Variants in ARFGEF3 observed in about 807,000 individuals in gnomAD.
ARFGEF3 encodes the protein ARFGEF family member 3.
In ARFGEF3, 96 loss-of-function variants were observed where a neutral mutation model predicts 221.7. That is an observed-to-expected ratio of 0.43 (90% CI 0.37 to 0.51). ARFGEF3 has a LOEUF of 0.51. Among genes scored for constraint, ARFGEF3 ranks in the 20% least tolerant of loss-of-function variants. The probability of loss-of-function intolerance (pLI) is 0.00; values close to 1 mark genes in which losing one functional copy is unlikely to be tolerated. For synonymous variants in ARFGEF3, 1,145 were observed against 1,126.8 expected (o/e 1.02, Z -0.32); for missense variants, 2,410 against 2,789.9 (o/e 0.86, Z 3.07).
At chr6:138,207,390 G>T (rs1247058348) in intron 3 of ARFGEF3, among the ~76,000 whole-genome samples, 4 of 151,992 alleles carry the variant, frequency 2.6e-5, no homozygotes, top group African/African-American at 7.2e-5. Context: ...GATTTTTTTT[G>T]TGTGTGACAT....
At chr6:138,279,673 G>A (rs1004621247) in intron 13 of ARFGEF3, among the ~76,000 whole-genome samples, 2 of 152,178 alleles carry the variant, frequency 1.3e-5, no homozygotes, top group African/African-American at 2.4e-5. Context: ...TGCTTCTGTT[G>A]GGGCTCCTAG....
At chr6:138,336,094 C>A (rs2114702791) in intron 33 of ARFGEF3, among the ~76,000 whole-genome samples, 1 of 152,234 alleles carries the variant, frequency 6.6e-6, no homozygotes, top group East Asian at 1.9e-4. Flanking sequence ...CTCTGCCCAT[C>A]TTTATGTATG....
Position 138,255,702 on chromosome 6 carries a change from T to A in ARFGEF3, c.1037T>A (p.Leu346His). The part of the protein sequence containing the change: ...VDSMKPVLQS[L>H]YHRVLLYPPP... ...TCCATGAAGCCCGTGCTCCAGTCCC[T>A]CTACCACCGAGTGCTGCTCTACCCC... Residue 346 changes from leucine (L) to histidine (H), a missense_variant, in exon 10 of 34, where the codon CTC (leucine) becomes CAC (histidine). Physicochemically the swap from Leu to His is moderately conservative, Grantham distance 99. Around this residue, in one of 5 missense-constraint regions of ARFGEF3, gnomAD observed 570 missense variants for 586.9 expected, o/e 0.97. Coordinates refer to ENST00000251691, the MANE Select transcript of ARFGEF3 (RefSeq NM_020340.5). 6.2e-7 allele frequency: 1 copy of A among 1,611,902 alleles called. No homozygotes were observed. The highest frequency in any genetic ancestry group is 8.5e-7 in the Non-Finnish European group (1 of 1,178,806).
At chr6:138,295,465 C>CAA (rs541897649) in intron 20 of ARFGEF3, among the ~76,000 whole-genome samples, 43 of 125,938 alleles carry the variant, frequency 3.4e-4, no homozygotes, top group African/African-American at 9.5e-4. Context: ...ACTAAAAATG[C>CAA]AAAAAAAAAA....
At chr6:138,297,188 C>T (rs138703170) in intron 21 of ARFGEF3, among the ~76,000 whole-genome samples, 45 of 152,306 alleles carry the variant, frequency 3.0e-4, no homozygotes, top group African/African-American at 9.9e-4. Context: ...TCTTTCTTTG[C>T]AATTGTACAG....
intron 24 of ARFGEF3, among the ~76,000 whole-genome samples, chr6:138,309,750 T>C (rs1779792336): frequency 1.3e-5 from 2 of 152,202 alleles, no homozygotes; most frequent in South Asian, 4.1e-4. Flanking sequence ...AGCCAGAGGC[T>C]CGAGAACCTG....
chr6:138,311,333 G>A, intron 24 of ARFGEF3, 74 bp from the exon 25 acceptor site: 1 of 869,200 alleles, frequency 1.2e-6, no homozygotes, highest in South Asian at 1.5e-5. Context: ...TGCTATGTGA[G>A]TAAACAGGTC....
At chr6:138,164,228 C>CT (rs59010098) in intron 1 of ARFGEF3, among the ~76,000 whole-genome samples, 41,257 of 151,982 alleles carry the variant, frequency 0.27, 7,527 homozygotes, top group African/African-American at 0.5. Flanking sequence ...TTCAACCCCC[C>CT]AATTTATTTC....
At chr6:138,243,572 T>C (rs1778430729) in intron 7 of ARFGEF3, among the ~76,000 whole-genome samples, 1 of 152,216 alleles carries the variant, frequency 6.6e-6, no homozygotes, top group South Asian at 2.1e-4. Flanking sequence ...TTTGATAATA[T>C]TGTTTTCTGA....
intron 28 of ARFGEF3, among the ~76,000 whole-genome samples, chr6:138,320,207 A>C (rs145117997): frequency 0.014 from 2,113 of 152,194 alleles, 34 homozygotes; most frequent in Non-Finnish European, 0.012. Context: ...AAAAAAGAAG[A>C]AGCAGCAATA....
In ARFGEF3 at chr6:138,340,678, A is replaced by G. The variant is rs537272800; in HGVS notation, c.*4192A>G. ...GTGTTCCTCATTTTTTCAGAGGGGA[A>G]CACAGACCCAGAGAGGTTAAGAAAT... is the stretch of plus-strand genomic sequence containing the variant. On this transcript the variant is annotated 3_prime_UTR_variant, in exon 34 of 34. Coordinates refer to ENST00000251691, the MANE Select transcript of ARFGEF3 (RefSeq NM_020340.5). 1 of 152,188 alleles carries G rather than the reference A, an allele frequency of 6.6e-6. No homozygotes were observed. The highest frequency in any genetic ancestry group is 1.9e-4 in the East Asian group (1 of 5,198). 9.4% of individuals were successfully genotyped at this position (152,188 alleles called of 1,614,324 possible).
At chr6:138,325,793 A>G (rs1780116520) in intron 31 of ARFGEF3, among the ~76,000 whole-genome samples, 1 of 152,204 alleles carries the variant, frequency 6.6e-6, no homozygotes, top group African/African-American at 2.4e-5. Flanking sequence ...GAAGAACAGC[A>G]AGAGCTGTTT....
intron 23 of ARFGEF3, among the ~76,000 whole-genome samples, 179 bp from the exon 24 acceptor site, chr6:138,308,560 C>T (rs1027843698): frequency 2.6e-5 from 4 of 152,110 alleles, no homozygotes; most frequent in South Asian, 2.1e-4. Flanking sequence ...GCTCCCCTGC[C>T]GGCAGAGCTG....
chr6:138,230,992 G>T (rs1778181124), intron 5 of ARFGEF3, among the ~76,000 whole-genome samples: 1 of 152,172 alleles, frequency 6.6e-6, no homozygotes, highest in South Asian at 2.1e-4. Context: ...CCTTTGCCAT[G>T]TGAAGGAAGA....
At chr6:138,209,219 G>A (rs1777676307) in intron 3 of ARFGEF3, among the ~76,000 whole-genome samples, 1 of 152,104 alleles carries the variant, frequency 6.6e-6, no homozygotes, top group African/African-American at 2.4e-5. Flanking sequence ...CCTGAAAAAT[G>A]ATCTTGTCTA....
intron 23 of ARFGEF3, among the ~76,000 whole-genome samples, chr6:138,308,209 T>G (rs1199689719): frequency 6.6e-6 from 1 of 152,194 alleles, no homozygotes; most frequent in Non-Finnish European, 1.5e-5. Flanking sequence ...ATGGTTTGTA[T>G]GAACAGTCTA....
chr6:138,166,256 T>G (rs1481499184), intron 1 of ARFGEF3, among the ~76,000 whole-genome samples: 3 of 152,244 alleles, frequency 2.0e-5, no homozygotes, highest in Non-Finnish European at 4.4e-5. Context: ...TTTCTATTTA[T>G]AAGAGTTATA....
At chr6:138,236,452 C>T (rs993524992) in intron 5 of ARFGEF3, among the ~76,000 whole-genome samples, 1 of 152,162 alleles carries the variant, frequency 6.6e-6, no homozygotes, top group African/African-American at 2.4e-5. Flanking sequence ...ACCATTTCAT[C>T]GCATGCAAAA....
intron 14 of ARFGEF3, among the ~76,000 whole-genome samples, chr6:138,281,739 G>A (rs909775043): frequency 2.0e-5 from 3 of 152,204 alleles, no homozygotes; most frequent in Non-Finnish European, 4.4e-5. Context: ...TCACATGAGA[G>A]TGTAGAGAGC....
Sources: allele counts gnomAD v4.1 joint callset (sites outside exome capture counted in the v4.1 genomes callset), GRCh38; gene constraint gnomAD v4.1.1; regional missense constraint gnomAD v4.1.1; transcripts MANE v1.5; gene names NCBI Gene and HGNC (gene_info 2026-07-23, HGNC 2026-07-21).